Variants in FNDC3B observed in about 807,000 individuals in gnomAD.
FNDC3B encodes the protein fibronectin type III domain containing 3B, also known as fibronectin type III domain-containing protein 3B.
A neutral mutation model predicts 151.5 loss-of-function variants in FNDC3B; 12 were observed. The ratio of observed to expected loss-of-function variants is 0.08; its 90% CI spans 0.05 to 0.13. The LOEUF is 0.13. Among genes scored for constraint, FNDC3B ranks in the 10% least tolerant of loss-of-function variants. FNDC3B has a pLI of 1.00. For synonymous variants in FNDC3B, 528 were observed against 549.0 expected, an observed-to-expected ratio of 0.96 and a Z score of 0.54; for missense variants, 1,214 against 1,505.3, an observed-to-expected ratio of 0.81 and a Z score of 3.20.
intron 1 of FNDC3B, among the ~76,000 whole-genome samples, chr3:172,049,980 G>C (rs1716561601): frequency 6.6e-6 from 1 of 152,146 alleles, no homozygotes; most frequent in African/African-American, 2.4e-5. Flanking sequence ...GTAAAACCAA[G>C]TTACAAAAGG....
intron 3 of FNDC3B, among the ~76,000 whole-genome samples, chr3:172,181,404 AAAAAAAAAAAC>A (rs1377792449): frequency 3.8e-4 from 56 of 146,024 alleles, no homozygotes; most frequent in African/African-American, 1.4e-3. Flanking sequence ...CCAAAAAAAA[AAAAAAAAAAAC>A]AAAAAAAAAC....
At chr3:172,239,517 C>T (rs780818510) in intron 4 of FNDC3B, among the ~76,000 whole-genome samples, 2 of 152,170 alleles carry the variant, frequency 1.3e-5, no homozygotes, top group East Asian at 3.9e-4. Context: ...GCTGCCAGCA[C>T]ATCACACTAC....
At chr3:172,336,214 T>G (rs1396641299) in intron 15 of FNDC3B, among the ~76,000 whole-genome samples, 2 of 152,236 alleles carry the variant, frequency 1.3e-5, no homozygotes, top group Admixed American at 1.3e-4. Flanking sequence ...AACTTAAGAT[T>G]TTTTAGAAAA....
intron 1 of FNDC3B, among the ~76,000 whole-genome samples, chr3:172,090,043 C>T (rs1181183419): frequency 6.6e-5 from 10 of 152,094 alleles, no homozygotes; most frequent in African/African-American, 2.2e-4. Context: ...TTGTTAGATA[C>T]TGCTTTAAAA....
chr3:172,366,753 C>T (rs554686822), intron 23 of FNDC3B, among the ~76,000 whole-genome samples: 1 of 152,260 alleles, frequency 6.6e-6, no homozygotes, highest in Non-Finnish European at 1.5e-5. Context: ...CAAATGAACA[C>T]TTCTTAGAAA....
chr3:172,058,585 T>C (rs1486282742), intron 1 of FNDC3B, among the ~76,000 whole-genome samples: 6 of 152,156 alleles, frequency 3.9e-5, no homozygotes, highest in East Asian at 1.9e-4. Context: ...CCTCAGTTGG[T>C]ATATAATTCA....
intron 1 of FNDC3B, among the ~76,000 whole-genome samples, chr3:172,073,354 G>A (rs1468150409): frequency 6.6e-6 from 1 of 152,180 alleles, no homozygotes; most frequent in African/African-American, 2.4e-5. Flanking sequence ...GTAACAGTTC[G>A]AATGTAGAGA....
chr3:172,133,607 A>G (rs888847520), intron 3 of FNDC3B, 61 bp downstream of exon 3: 1 of 1,183,854 alleles, frequency 8.4e-7, no homozygotes, highest in South Asian at 1.2e-5. Flanking sequence ...GAAGGAAGTA[A>G]TGTTTTTCTG....
chr3:172,136,107 T>A (rs1234213642), intron 3 of FNDC3B, among the ~76,000 whole-genome samples: 1 of 152,224 alleles, frequency 6.6e-6, no homozygotes, highest in African/African-American at 2.4e-5. Context: ...TTCCCTGCTA[T>A]GTCTGATGCC....
intron 6 of FNDC3B, among the ~76,000 whole-genome samples, chr3:172,260,352 T>A (rs1282619879): frequency 6.6e-6 from 1 of 152,236 alleles, no homozygotes; most frequent in African/African-American, 2.4e-5. Flanking sequence ...CAGATCTTGG[T>A]TTAGTCTCAA....
At chr3:172,083,329 C>T (rs980509440) in intron 1 of FNDC3B, among the ~76,000 whole-genome samples, 1 of 152,200 alleles carries the variant, frequency 6.6e-6, no homozygotes, top group Non-Finnish European at 1.5e-5. Context: ...AAGGATGGAG[C>T]GTGCAGATGG....
intron 9 of FNDC3B, 60 bp downstream of exon 9, chr3:172,298,847 A>G (rs1019876761): frequency 4.8e-6 from 6 of 1,242,358 alleles, no homozygotes; most frequent in Non-Finnish European, 6.9e-6. Flanking sequence ...AAGCAAAAAC[A>G]TGTACTCCCT....
intron 3 of FNDC3B, among the ~76,000 whole-genome samples, chr3:172,145,811 CTT>C (rs34361134): frequency 0.01 from 1,172 of 114,104 alleles, 11 homozygotes; most frequent in African/African-American, 0.037. Context: ...AGGTTTCTTT[CTT>C]TTTTTTTTTT....
chr3:172,291,172 G>A (rs187378012), intron 7 of FNDC3B, among the ~76,000 whole-genome samples: 4 of 152,294 alleles, frequency 2.6e-5, no homozygotes, highest in East Asian at 1.9e-4. Context: ...TATGGATTAC[G>A]TATCAAATAG....
At chr3:172,167,167 G>C (rs993356262) in intron 3 of FNDC3B, among the ~76,000 whole-genome samples, 1 of 152,132 alleles carries the variant, frequency 6.6e-6, no homozygotes, top group East Asian at 1.9e-4. Context: ...AGGCTGAGGC[G>C]GGCGGATCAC....
At chr3:172,075,962 G>A (rs1264121252) in intron 1 of FNDC3B, among the ~76,000 whole-genome samples, 2 of 152,154 alleles carry the variant, frequency 1.3e-5, no homozygotes, top group Middle Eastern at 3.4e-3. Context: ...GAACACATTC[G>A]TTTCTTCTTT....
chr3:172,133,359 TA>T, intron 2 of FNDC3B, 111 bp from the exon 3 acceptor site: 2 of 809,834 alleles, frequency 2.5e-6, no homozygotes, highest in Non-Finnish European at 4.0e-6. Context: ...TTTGTGTTTA[TA>T]AAAGATTTTA....
At chr3:172,052,164 AGCCTCC>A (rs1436204416) in intron 1 of FNDC3B, among the ~76,000 whole-genome samples, 1 of 149,894 alleles carries the variant, frequency 6.7e-6, no homozygotes, top group Admixed American at 6.6e-5. Context: ...TGCTTACTGC[AGCCTCC>A]GCCTCCTGGG....
intron 11 of FNDC3B, among the ~76,000 whole-genome samples, chr3:172,312,146 G>A (rs1731533462): frequency 6.6e-6 from 1 of 152,164 alleles, no homozygotes; most frequent in African/African-American, 2.4e-5. Flanking sequence ...AAACTGGATG[G>A]AATTCCCATG....
Sources: allele counts gnomAD v4.1 joint callset (sites outside exome capture counted in the v4.1 genomes callset), GRCh38; gene constraint gnomAD v4.1.1; transcripts MANE v1.5; gene names NCBI Gene and HGNC (gene_info 2026-07-23, HGNC 2026-07-21).